The following TPR variants were observed in gnomAD, a reference collection of about 807,000 sequenced individuals.
TPR encodes nucleoprotein TPR.
TPR carries 51 observed loss-of-function variants against 316.1 expected under a neutral mutation model. The ratio of observed to expected loss-of-function variants is 0.16; its 90% CI spans 0.13 to 0.20. The LOEUF is 0.20. Among genes scored for constraint, TPR ranks in the 10% least tolerant of loss-of-function variants. TPR has a pLI of 1.00. For missense variants in TPR, 2,272 were observed against 2,754.8 expected (o/e 0.82, Z 3.92); for synonymous variants, 981 against 914.7 (o/e 1.07, Z -1.31).
intron 20 of TPR, among the ~76,000 whole-genome samples, chr1:186,350,631 T>A (rs1385845053): frequency 6.6e-6 from 1 of 152,020 alleles, no homozygotes; most frequent in Non-Finnish European, 1.5e-5. Flanking sequence ...TTCCAGGCTA[T>A]GACACAGGAA....
chr1:186,320,481 G>GA, intron 45 of TPR, 63 bp from the exon 46 acceptor site: 1 of 1,366,282 alleles, frequency 7.3e-7, no homozygotes, highest in Non-Finnish European at 9.9e-7. Context: ...CCACAATGGT[G>GA]AAAAAAATAT....
chr1:186,335,176 C>G, intron 34 of TPR, 47 bp from the exon 35 acceptor site: 5 of 1,572,572 alleles, frequency 3.2e-6, no homozygotes, highest in Non-Finnish European at 4.3e-6. Flanking sequence ...CACAAGAGTC[C>G]ACTAAAAATG....
Position 186,313,968 on chromosome 1 carries a change from C to A in TPR, c.*3G>T. 2 of 1,611,274 alleles carry A rather than the reference C, an allele frequency of 1.2e-6. No individual in the cohort carries two copies. The highest frequency in any genetic ancestry group is 8.5e-7 in the Non-Finnish European group (1 of 1,178,568). On this transcript the variant is annotated 3_prime_UTR_variant, in exon 51 of 51. Coordinates refer to ENST00000367478, the MANE Select transcript of TPR (RefSeq NM_003292.3). Reference sequence around the variant, plus strand: ...TTCACAGTTGTTATTGTTTACAGACCATTTAATTAATATTTCCTCTGTTTA... The same window carrying A: ...TTCACAGTTGTTATTGTTTACAGACAATTTAATTAATATTTCCTCTGTTTA...
intron 27 of TPR, 99 bp downstream of exon 27, chr1:186,343,227 A>C (rs1308039551): frequency 8.4e-6 from 12 of 1,425,152 alleles, no homozygotes; most frequent in Non-Finnish European, 1.1e-5. Flanking sequence ...AAGAATGCTT[A>C]CTTCAAGTTA....
Position 186,314,764 on chromosome 1 carries a change from A to G in TPR, c.6941-40T>C, listed in dbSNP as rs1657542222. The G allele has an allele frequency of 3.6e-6, 5 of 1,379,916 alleles. No individual in the cohort carries two copies. In the East Asian group the frequency reaches 1.2e-4, roughly 32 times the overall value. The allele number at this position is 1,379,916 out of a possible 1,614,324, so 85.5% of individuals were successfully genotyped here. ...AAGATAAAAGAAAAGCAAGTGAAAA[A>G]ATGAGAAAGCATTTATAATGATACA... On this transcript the variant is annotated intron_variant, in intron 49 of 50. Transcript: ENST00000367478.
chr1:186,366,359 A>AT (rs1659342631), intron 4 of TPR, among the ~76,000 whole-genome samples: 2 of 152,092 alleles, frequency 1.3e-5, no homozygotes, highest in Admixed American at 6.6e-5. Context: ...TTTTCTTAAC[A>AT]TTTTTTTCTC....
chr1:186,337,197 T>C (rs374027419), intron 31 of TPR, 41 bp from the exon 32 acceptor site: 1 of 1,552,382 alleles, frequency 6.4e-7, no homozygotes, highest in Non-Finnish European at 8.7e-7. Flanking sequence ...CATATTTATA[T>C]TCAGTAATTC....
chr1:186,327,479 T>C lies in TPR; in HGVS notation c.5870A>G (p.Glu1957Gly). ...DSDDEEEDDD[E>G]NDGEHEDYEE... ...ACTTACCTCATGTTCTCCATCATTT[T>C]CATCATCATCCTCTTCTTCATCATC... The change falls in exon 40 of 51, where the codon GAA becomes GGA. Residue 1957 changes from glutamate (E) to glycine (G), a missense_variant. Glu to Gly is a moderately conservative substitution (Grantham distance 98, BLOSUM62 -2). This residue lies in a region of TPR where 435 missense variants were observed against 461.1 expected (regional missense o/e 0.94). Coordinates refer to ENST00000367478, the MANE Select transcript of TPR (RefSeq NM_003292.3). The C allele has an allele frequency of 1.9e-6, 3 of 1,610,456 alleles. No homozygotes were observed. The highest frequency in any genetic ancestry group is 2.2e-5 in the South Asian group (2 of 90,954).
rs771849860 is a variant in TPR, at chr1:186,358,689, T to C, written c.1390-39A>G. The C allele has an allele frequency of 5.8e-6, 9 of 1,552,628 alleles. No individual in the cohort carries two copies. The South Asian group carries it at 1.0e-4, about 18-fold the overall frequency. On this transcript the variant is annotated intron_variant, in intron 12 of 50. Transcript: ENST00000367478. Reference sequence around the variant, plus strand: ...ATTCAAGTGAAAATTTTGTACTTCCTTCTAGGATTTATACAAGTAATAAAG... The same window carrying C: ...ATTCAAGTGAAAATTTTGTACTTCCCTCTAGGATTTATACAAGTAATAAAG...
intron 50 of TPR, 98 bp downstream of exon 50, chr1:186,314,531 A>G (rs1157758328): frequency 1.1e-6 from 1 of 896,658 alleles, no homozygotes; most frequent in East Asian, 2.7e-5. Flanking sequence ...ACTTTGGAAC[A>G]TTAAAAAAAT....
At position 186,359,888 on chromosome 1, in the gene TPR, C is replaced by T. The variant is rs367654162; in HGVS notation, c.1300G>A (p.Ala434Thr). The change falls in exon 12 of 51, where the codon GCA (alanine) becomes ACA (threonine). Residue 434 changes from alanine to threonine, a missense_variant. Around this residue, in one of 10 missense-constraint regions of TPR, gnomAD observed 549 missense variants for 598.6 expected, o/e 0.92. Coordinates refer to ENST00000367478, the MANE Select transcript of TPR (RefSeq NM_003292.3). ...TCACGCTGGCGTTTCAAAATTGGTG[C>T]TTTGGCTTCCACTTCTTTCACTATT... is the stretch of plus-strand genomic sequence containing the variant. ...DEIVKEVEAK[A>T]PILKRQREEY... The T allele has an allele frequency of 6.2e-7, 1 of 1,606,018 alleles. No individual in the cohort carries two copies. The highest frequency in any genetic ancestry group is 8.5e-7 in the Non-Finnish European group (1 of 1,178,070).
chr1:186,368,851 T>C (rs1335703230), intron 3 of TPR, among the ~76,000 whole-genome samples: 4 of 151,922 alleles, frequency 2.6e-5, no homozygotes, highest in Admixed American at 2.6e-4. Context: ...CTTTCCCCTA[T>C]GTTCACTTCT....
At chr1:186,326,296 G>C in intron 40 of TPR, 61 bp from the exon 41 acceptor site, 1 of 1,544,032 alleles carries the variant, frequency 6.5e-7, no homozygotes, top group South Asian at 1.2e-5. Flanking sequence ...TGCTCTGCAT[G>C]TCTAGATACC....
intron 30 of TPR, among the ~76,000 whole-genome samples, chr1:186,339,379 A>G (rs1658439583): frequency 1.2e-5 from 1 of 81,150 alleles, no homozygotes; most frequent in Non-Finnish European, 2.4e-5. Flanking sequence ...ATAGCTGTAA[A>G]TTTAGCTTTA....
rs752467359 is a variant in TPR at position 186,375,080 on chromosome 1, G to A, written c.-52C>T. On this transcript the variant is annotated 5_prime_UTR_variant, in exon 1 of 51. Coordinates refer to ENST00000367478, the MANE Select transcript of TPR (RefSeq NM_003292.3). ...CAGCGGCCGACGGGGTAGAAGCGGAGAAGAAAGGCGAAGACCAGCAGGACC... is the reference window on the plus strand; with the variant it reads ...CAGCGGCCGACGGGGTAGAAGCGGAAAAGAAAGGCGAAGACCAGCAGGACC... 13 of 1,608,986 alleles carry A rather than the reference G, an allele frequency of 8.1e-6. No homozygotes were observed. The African/African-American group carries it at 1.7e-4, about 22-fold the overall frequency.
chr1:186,319,439 A>C (rs1321693862), intron 46 of TPR, among the ~76,000 whole-genome samples: 1 of 152,224 alleles, frequency 6.6e-6, no homozygotes, highest in Non-Finnish European at 1.5e-5. Flanking sequence ...GTAATTAACA[A>C]AGTAATTACC....
chr1:186,323,543 TA>T, intron 43 of TPR, 142 bp downstream of exon 43: 2 of 729,512 alleles, frequency 2.7e-6, no homozygotes, highest in Non-Finnish European at 4.0e-6. Context: ...AAGAATTTTA[TA>T]AAAATATGCC....
rs1265069444 is a variant in TPR at position 186,311,681 on chromosome 1, A to T, written c.*2290T>A. 1 of 1,377,430 alleles carries T rather than the reference A, an allele frequency of 7.3e-7. No homozygotes were observed. Among genetic ancestry groups the T allele is most frequent in the African/African-American group, 1.4e-5 (1 of 69,636 alleles). 85.3% of individuals were successfully genotyped at this position (1,377,430 alleles called of 1,614,324 possible). A position where few individuals can be genotyped will look rare whatever the true frequency, so the allele number is the denominator to read the frequency against. On this transcript the variant is annotated 3_prime_UTR_variant, in exon 51 of 51. Transcript: ENST00000367478. ...CATTTATTATTGACTTTACTGTCAA[A>T]AGATATCTTTAATGGCTGAAATCAA...
intron 29 of TPR, 91 bp downstream of exon 29, chr1:186,340,937 C>T (rs909382415): frequency 1.6e-5 from 23 of 1,469,010 alleles, no homozygotes; most frequent in African/African-American, 7.1e-5. Flanking sequence ...GTAATTTTCA[C>T]TAGTTCCTCA....
Sources: gnomAD v4.1 joint callset for allele counts (sites outside exome capture counted in the v4.1 genomes callset) on GRCh38, gnomAD v4.1.1 for gene constraint, gnomAD v4.1.1 regional missense constraint, MANE v1.5 for transcripts, NCBI Gene and HGNC (gene_info 2026-07-23, HGNC 2026-07-21) for gene names.